The following LARGE1 variants were observed in gnomAD, a reference collection of about 807,000 sequenced individuals.
The protein encoded by LARGE1 is LARGE xylosyl- and glucuronyltransferase 1.
LARGE1 carries 43 observed loss-of-function variants against 87.6 expected under a neutral mutation model. The ratio of observed to expected loss-of-function variants is 0.49; its 90% CI spans 0.38 to 0.63. The LOEUF is 0.63. Among genes scored for constraint, LARGE1 ranks in the 30% least tolerant of loss-of-function variants. LARGE1 has a pLI of 0.00. For missense variants in LARGE1, 802 were observed against 1,000.2 expected (o/e 0.80, Z 2.67); for synonymous variants, 434 against 394.6 (o/e 1.10, Z -1.18).
At chr22:33,795,218 G>C (rs2085942859) in intron 1 of LARGE1, among the ~76,000 whole-genome samples, 1 of 152,214 alleles carries the variant, frequency 6.6e-6, no homozygotes, top group African/African-American at 2.4e-5. Context: ...ACAAGTTGTA[G>C]GGCTGCTGAA....
chr22:33,567,538 A>C (rs1329309594), intron 5 of LARGE1, among the ~76,000 whole-genome samples: 1 of 152,170 alleles, frequency 6.6e-6, no homozygotes, highest in East Asian at 1.9e-4. Context: ...CTTAATCGCC[A>C]TGTCACCTTG....
chr22:33,201,964 C>T (rs372815787), intron 11 of LARGE1, among the ~76,000 whole-genome samples: 1 of 151,970 alleles, frequency 6.6e-6, no homozygotes, highest in African/African-American at 2.4e-5. Context: ...GGTGAAACCC[C>T]GTCTCTACTA....
At position 33,604,467 on chromosome 22, in the gene LARGE1, G is replaced by A. The variant is rs758364338; in HGVS notation, c.583C>T (p.Arg195Cys). 1.9e-6 allele frequency: 3 copies of A among 1,614,094 alleles called. No homozygotes were observed. Among genetic ancestry groups the A allele is most frequent in the South Asian group, 1.1e-5 (1 of 91,080 alleles). Residue 195 changes from arginine to cysteine, a missense_variant, in exon 5 of 15, where the codon CGT becomes TGT. Physicochemically the swap from Arg to Cys is radical, Grantham distance 180 (BLOSUM62 -3). This residue lies in a region of LARGE1 where 625 missense variants were observed against 841.9 expected (regional missense o/e 0.74). Coordinates refer to ENST00000397394, the MANE Select transcript of LARGE1 (RefSeq NM_133642.5). ...TCGTCTGCATTGTAGAAGTCCACACGCACAGCGGGCACCATCCAGGTCTGG... is the reference window on the plus strand; with the variant it reads ...TCGTCTGCATTGTAGAAGTCCACACACACAGCGGGCACCATCCAGGTCTGG... ...LFQTWMVPAV[R>C]VDFYNADELK...
In LARGE1 at chr22:33,623,193, G is replaced by A. The variant is rs545189481; in HGVS notation, c.491+3051C>T. On this transcript the variant is annotated intron_variant, in intron 4 of 14. Transcript: ENST00000397394. ...ACCTGATACGTCATGGCAACAAGTA[G>A]TAAATACATAAAAGTCTGAAGACCA... is the stretch of plus-strand genomic sequence containing the variant. Among the ~76,000 whole-genome samples the A allele has an allele frequency of 4.0e-5, 6 of 149,300 alleles. No individual in the cohort carries two copies. The South Asian group carries it at 8.5e-4, about 21-fold the overall frequency.
chr22:33,604,527 C>A lies in LARGE1; in HGVS notation c.523G>T (p.Asp175Tyr). The part of the protein sequence containing the change: ...RNPLHFHLIA[D>Y]SIAEQILATL... ...GCCAGGATCTGCTCCGCAATGGAGT[C>A]AGCAATAAGGTGGAAGTGCAGAGGG... is the stretch of plus-strand genomic sequence containing the variant. The change falls in exon 5 of 15, where the codon GAC becomes TAC. Residue 175 changes from aspartate to tyrosine, a missense_variant. Physicochemically the swap from Asp to Tyr is radical, Grantham distance 160 (BLOSUM62 -3). Coordinates refer to ENST00000397394, the MANE Select transcript of LARGE1 (RefSeq NM_133642.5). 6.2e-7 allele frequency: 1 copy of A among 1,614,038 alleles called. No homozygotes were observed. The highest frequency in any genetic ancestry group is 1.1e-5 in the South Asian group (1 of 91,066).
intron 11 of LARGE1, among the ~76,000 whole-genome samples, chr22:33,200,702 G>A (rs1924338883): frequency 6.6e-6 from 1 of 152,158 alleles, no homozygotes; most frequent in African/African-American, 2.4e-5. Flanking sequence ...AAGAAGGCAG[G>A]CACAAAATGC....
intron 12 of LARGE1, among the ~76,000 whole-genome samples, chr22:33,286,805 T>G (rs1288429750): frequency 6.6e-6 from 1 of 152,210 alleles, no homozygotes; most frequent in South Asian, 2.1e-4. Flanking sequence ...CAAGTTACTA[T>G]TATCATCAGT....
intron 7 of LARGE1, among the ~76,000 whole-genome samples, chr22:33,397,937 T>A (rs1450325743): frequency 1.3e-5 from 2 of 152,240 alleles, no homozygotes; most frequent in African/African-American, 4.8e-5. Flanking sequence ...ATTGCCCATT[T>A]TGTCCTCTTT....
At chr22:33,596,803 T>A (rs140958528) in intron 5 of LARGE1, among the ~76,000 whole-genome samples, 1 of 152,358 alleles carries the variant, frequency 6.6e-6, no homozygotes, top group Non-Finnish European at 1.5e-5. Flanking sequence ...GTGCCTATTA[T>A]GTGCCAAGCA....
chr22:33,112,515 C>G, the LARGE1 span, among the ~76,000 whole-genome samples: 1 of 152,156 alleles, frequency 6.6e-6, no homozygotes, highest in East Asian at 1.9e-4. Flanking sequence ...TATCACAGGG[C>G]GCATTCGGGG....
intron 2 of LARGE1, among the ~76,000 whole-genome samples, chr22:33,681,669 T>C (rs906211750): frequency 1.3e-5 from 2 of 152,232 alleles, no homozygotes; most frequent in African/African-American, 2.4e-5. Context: ...TTAGTCTGAT[T>C]TAATCCACCA....
chr22:33,276,926 T>C, intron 14 of LARGE1, 134 bp downstream of exon 14: 1 of 872,716 alleles, frequency 1.1e-6, no homozygotes, highest in Non-Finnish European at 1.9e-6. Flanking sequence ...CAAGGATCAG[T>C]ACTACCACTG....
At chr22:33,332,876 T>C (rs897527385) in intron 10 of LARGE1, among the ~76,000 whole-genome samples, 7 of 152,286 alleles carry the variant, frequency 4.6e-5, no homozygotes, top group Admixed American at 1.3e-4. Flanking sequence ...TTGTCTTGAC[T>C]TATGAGTGCT....
At chr22:33,339,737 T>G (rs1289375535) in intron 9 of LARGE1, among the ~76,000 whole-genome samples, 1 of 152,206 alleles carries the variant, frequency 6.6e-6, no homozygotes, top group African/African-American at 2.4e-5. Context: ...AGTGCACTCT[T>G]GGCTCACTGC....
chr22:33,663,273 T>C (rs2081181798), intron 2 of LARGE1, among the ~76,000 whole-genome samples: 1 of 152,212 alleles, frequency 6.6e-6, no homozygotes, highest in Non-Finnish European at 1.5e-5. Flanking sequence ...GGGTAAAATC[T>C]TGTGTTAATA....
chr22:33,147,533 T>G, the LARGE1 span, among the ~76,000 whole-genome samples: 1 of 152,216 alleles, frequency 6.6e-6, no homozygotes, highest in Non-Finnish European at 1.5e-5. Context: ...TTTGAAATAA[T>G]TTTGGACTCA....
At chr22:33,221,632 C>T (rs1291325817) in intron 11 of LARGE1, 1 of 152,184 alleles carries the variant, frequency 6.6e-6, no homozygotes, top group African/African-American at 2.4e-5. Flanking sequence ...TCGGCTTATA[C>T]CTCTCCCCAG....
chr22:33,818,318 C>T lies in LARGE1; in HGVS notation c.-82-56760G>A, dbSNP rs551552258. Among the ~76,000 whole-genome samples, 7 of 152,316 alleles carry T rather than the reference C, an allele frequency of 4.6e-5. No homozygotes were observed. In the South Asian group the frequency reaches 8.3e-4, roughly 18 times the overall value. Reference sequence around the variant, plus strand: ...TTGTAGTCTGTCGCTGCAAGGAGAACATACACTCTACAAGGACAGGAACCC... The same window carrying T: ...TTGTAGTCTGTCGCTGCAAGGAGAATATACACTCTACAAGGACAGGAACCC... On this transcript the variant is annotated intron_variant, in intron 1 of 14. Coordinates refer to ENST00000397394, the MANE Select transcript of LARGE1 (RefSeq NM_133642.5).
At chr22:33,303,825 A>T (rs911037611) in intron 12 of LARGE1, among the ~76,000 whole-genome samples, 2 of 150,748 alleles carry the variant, frequency 1.3e-5, no homozygotes, top group African/African-American at 4.9e-5. Context: ...GGGTTTCACC[A>T]TGTTGGCCAG....
Sources: allele counts gnomAD v4.1 joint callset (sites outside exome capture counted in the v4.1 genomes callset), GRCh38; gene constraint gnomAD v4.1.1; regional missense constraint gnomAD v4.1.1; transcripts MANE v1.5; gene names NCBI Gene and HGNC (gene_info 2026-07-23, HGNC 2026-07-21).